Variants in HNRNPK observed in about 807,000 individuals in gnomAD.
HNRNPK encodes heterogeneous nuclear ribonucleoprotein K.
Under a neutral mutation model 67.0 loss-of-function variants are expected in HNRNPK, and 7 were observed. The ratio of observed to expected loss-of-function variants is 0.10; its 90% CI spans 0.06 to 0.20. The LOEUF (loss-of-function observed/expected upper bound fraction) is 0.20, where lower values mean the gene tolerates loss of function less well. Among genes scored for constraint, HNRNPK ranks in the 10% least tolerant of loss-of-function variants. The probability of loss-of-function intolerance (pLI) is 1.00; values close to 1 mark genes in which losing one functional copy is unlikely to be tolerated. For synonymous variants in HNRNPK, 213 were observed against 193.7 expected (o/e 1.10, Z -0.83); for missense variants, 264 against 606.5 (o/e 0.44, Z 5.93).
In HNRNPK at chr9:83,971,029, ACT is replaced by A. The variant is rs1225742436; in HGVS notation, c.1093-119_1093-118del. On this transcript the variant is annotated intron_variant, in intron 13 of 16. Coordinates refer to ENST00000376263, the MANE Select transcript of HNRNPK (RefSeq NM_031263.4). The stretch of plus-strand genomic sequence containing the variant: ...GCTATGTTGCCCAGGCTGGTCTCAA[ACT>A]CTCGGGCTCAAGTGATCCTCCTGCC... 5 of 1,042,332 alleles carry A rather than the reference ACT, an allele frequency of 4.8e-6. No individual in the cohort carries two copies. In the Admixed American group the frequency reaches 7.9e-5, roughly 16 times the overall value. The allele number at this position is 1,042,332 out of a possible 1,614,324, so 64.6% of individuals were successfully genotyped here.
In HNRNPK at chr9:83,968,464, A is replaced by G. The variant is rs1956678054; in HGVS notation, c.*943T>C. The G allele has an allele frequency of 6.6e-6, 1 of 152,592 alleles. No individual in the cohort carries two copies. The highest frequency in any genetic ancestry group is 2.1e-4 in the South Asian group (1 of 4,830). The allele number at this position is 152,592 out of a possible 1,614,324, so 9.5% of individuals were successfully genotyped here. A position where few individuals can be genotyped will look rare whatever the true frequency, so the allele number is the denominator to read the frequency against. ...CTATAGGTGAGAAATTATCTAATAAAAATAATCAATTTTTTCAGCATTAGT... is the reference window on the plus strand; with the variant it reads ...CTATAGGTGAGAAATTATCTAATAAGAATAATCAATTTTTTCAGCATTAGT... On this transcript the variant is annotated 3_prime_UTR_variant, in exon 17 of 17. Transcript: ENST00000376263.
chr9:83,977,231 G>C (rs1008867823), intron 4 of HNRNPK, among the ~76,000 whole-genome samples, 180 bp from the exon 5 acceptor site: 12 of 152,140 alleles, frequency 7.9e-5, no homozygotes, highest in African/African-American at 2.9e-4. Context: ...AATTCTAAGT[G>C]CTGTGAGGAC....
At chr9:83,977,193 G>A (rs1202694596) in intron 4 of HNRNPK, 142 bp from the exon 5 acceptor site, 8 of 627,870 alleles carry the variant, frequency 1.3e-5, no homozygotes, top group Non-Finnish European at 2.3e-5. Context: ...AAACGACCAG[G>A]CCAAAACCAA....
chr9:83,969,694 A>G, intron 16 of HNRNPK: 3 of 610,020 alleles, frequency 4.9e-6, no homozygotes, highest in Non-Finnish European at 9.1e-6. Context: ...TAGAAAAGAC[A>G]AAGAATGCTA....
Position 83,980,206 on chromosome 9 carries a change from G to C in HNRNPK, c.-161C>G, listed in dbSNP as rs979625568. On this transcript the variant is annotated 5_prime_UTR_variant, in exon 1 of 17. Transcript: ENST00000376263. The stretch of plus-strand genomic sequence containing the variant: ...GCGCCGCCTCAGCCGGTCGGAGCTA[G>C]ACAGAAAACGAGCGCAGGCTCCCCT... The C allele has an allele frequency of 6.6e-6, 1 of 152,416 alleles. No homozygotes were observed. Among genetic ancestry groups the C allele is most frequent in the Non-Finnish European group, 1.5e-5 (1 of 68,234 alleles). The allele number at this position is 152,416 out of a possible 1,614,324, so 9.4% of individuals were successfully genotyped here. A position where few individuals can be genotyped will look rare whatever the true frequency, so the allele number is the denominator to read the frequency against.
upstream of HNRNPK, chr9:83,980,506 T>C (rs535077158): frequency 6.5e-6 from 1 of 152,976 alleles, no homozygotes; most frequent in East Asian, 1.9e-4. Context: ...CAATTACCTA[T>C]AGGCCGCGAA....
chr9:83,971,198 T>C, intron 13 of HNRNPK, 75 bp downstream of exon 13: 1 of 1,043,440 alleles, frequency 9.6e-7, no homozygotes, highest in Non-Finnish European at 1.5e-6. Flanking sequence ...CTCAGGGGAA[T>C]AAAAAACTTA....
Position 83,969,075 on chromosome 9 carries a change from A to AT in HNRNPK, c.*331dup. 1 of 473,040 alleles carries AT rather than the reference A, an allele frequency of 2.1e-6. No individual in the cohort carries two copies. Among genetic ancestry groups the AT allele is most frequent in the South Asian group, 2.9e-5 (1 of 34,680 alleles). The allele number at this position is 473,040 out of a possible 1,614,324, so 29.3% of individuals were successfully genotyped here. A position where few individuals can be genotyped will look rare whatever the true frequency, so the allele number is the denominator to read the frequency against. ...GTGACCACAAAGCAAGGTGTTCACAATAATTACATGGGGGGAATTTTTTAA... is the reference window on the plus strand; with the variant it reads ...GTGACCACAAAGCAAGGTGTTCACAATTAATTACATGGGGGGAATTTTTTAA... On this transcript the variant is annotated 3_prime_UTR_variant, in exon 17 of 17. Transcript: ENST00000376263.
chr9:83,971,011 T>C, intron 13 of HNRNPK, 99 bp from the exon 14 acceptor site: 1 of 1,232,474 alleles, frequency 8.1e-7, no homozygotes, highest in Admixed American at 1.8e-5. Flanking sequence ...CTTGCTATGT[T>C]GCCCAGGCTG....
At position 83,969,084 on chromosome 9, in the gene HNRNPK, T is replaced by C. The variant is rs1016375752; in HGVS notation, c.*323A>G. 3 of 492,274 alleles carry C rather than the reference T, an allele frequency of 6.1e-6. No individual in the cohort carries two copies. Among genetic ancestry groups the C allele is most frequent in the Non-Finnish European group, 1.1e-5 (3 of 277,624 alleles). 30.5% of individuals were successfully genotyped at this position (492,274 alleles called of 1,614,324 possible). ...AAGCAAGGTGTTCACAATAATTACATGGGGGGAATTTTTTAAACCACCAAC... is the reference window on the plus strand; with the variant it reads ...AAGCAAGGTGTTCACAATAATTACACGGGGGGAATTTTTTAAACCACCAAC... On this transcript the variant is annotated 3_prime_UTR_variant, in exon 17 of 17. Transcript: ENST00000376263.
chr9:83,977,488 G>A (rs1957123775), intron 4 of HNRNPK, among the ~76,000 whole-genome samples: 2 of 152,156 alleles, frequency 1.3e-5, no homozygotes, highest in Admixed American at 1.3e-4. Flanking sequence ...GACCTGTAGT[G>A]GCGGTTCACT....
At position 83,973,265 on chromosome 9, in the gene HNRNPK, GC is replaced by G. The variant is rs765556393; in HGVS notation, c.516+20del. The G allele has an allele frequency of 2.9e-4, 375 of 1,307,424 alleles. 2 individuals are homozygous for G. The highest frequency in any genetic ancestry group is 3.8e-4 in the Non-Finnish European group (342 of 905,516). 81.0% of individuals were successfully genotyped at this position (1,307,424 alleles called of 1,614,324 possible). Reference sequence around the variant, plus strand: ...AATTTACTTTCCAGCAAAGAATACGGCAGAATTTTTTTTTTTTTACCTCTCG... The same window carrying G: ...AATTTACTTTCCAGCAAAGAATACGGAGAATTTTTTTTTTTTTACCTCTCG... On this transcript the variant is annotated intron_variant, in intron 9 of 16. Coordinates refer to ENST00000376263, the MANE Select transcript of HNRNPK (RefSeq NM_031263.4).
intron 9 of HNRNPK, 108 bp downstream of exon 9, chr9:83,973,174 TAAGC>T: frequency 2.5e-6 from 2 of 792,770 alleles, no homozygotes; most frequent in Non-Finnish European, 2.1e-6. Context: ...TCATTTGCGA[TAAGC>T]AATCTTTGGA....
In HNRNPK at chr9:83,971,871, A is replaced by C. The variant is rs777367009; in HGVS notation, c.953+11T>G. 5 of 1,555,020 alleles carry C rather than the reference A, an allele frequency of 3.2e-6. No homozygotes were observed. Among genetic ancestry groups the C allele is most frequent in the Admixed American group, 4.1e-5 (2 of 48,882 alleles). ...GAAGAAAAAACAACAACAACAAAAA[A>C]AACAACTTACCCCCCTCTAGGTGGT... is the stretch of plus-strand genomic sequence containing the variant. On this transcript the variant is annotated intron_variant, in intron 11 of 16. Coordinates refer to ENST00000376263, the MANE Select transcript of HNRNPK (RefSeq NM_031263.4).
At chr9:83,969,996 TAAGA>T in intron 16 of HNRNPK, 162 bp downstream of exon 16, 2 of 621,730 alleles carry the variant, frequency 3.2e-6, no homozygotes, top group Non-Finnish European at 5.7e-6. Flanking sequence ...TCATTTTTAG[TAAGA>T]AAGCAGAAGA....
At chr9:83,972,325 A>AGCGT (rs1956886103) in intron 10 of HNRNPK, 136 bp from the exon 11 acceptor site, 13 of 656,782 alleles carry the variant, frequency 2.0e-5, no homozygotes, top group Non-Finnish European at 3.1e-5. Context: ...AACAGGAATT[A>AGCGT]TGTCAACGCT....
At position 83,972,111 on chromosome 9, in the gene HNRNPK, T is replaced by A. The variant is rs1385067474; in HGVS notation, c.724A>T (p.Met242Leu). The change falls in exon 11 of 17, where the codon ATG becomes TTG. Residue 242 changes from methionine to leucine, a missense_variant. Transcript: ENST00000376263. Reference protein sequence around the residue: ...ETYDYGGFTMMFDDRRGRPVG... With the variant: ...ETYDYGGFTMLFDDRRGRPVG... ...GGGCGTCCGCGACGGTCATCAAACA[T>A]CATTGTAAAACCACCATAATCATAG... 1 of 1,613,726 alleles carries A rather than the reference T, an allele frequency of 6.2e-7. No homozygotes were observed. The highest frequency in any genetic ancestry group is 1.7e-5 in the Admixed American group (1 of 59,980).
upstream of HNRNPK, chr9:83,980,401 G>A (rs1329383507): frequency 3.7e-4 from 57 of 152,808 alleles, no homozygotes; most frequent in South Asian, 2.1e-4. Flanking sequence ...GGCCACTAAG[G>A]GCTCGAGAAA....
chr9:83,974,676 TCACAGAGATGTAA>T (rs1956997829), intron 6 of HNRNPK, 87 bp from the exon 7 acceptor site: 1 of 824,160 alleles, frequency 1.2e-6, no homozygotes. Context: ...ATACAAACTT[TCACAGAGATGTAA>T]CACATGATTA....
Sources: gnomAD v4.1 joint callset for allele counts (sites outside exome capture counted in the v4.1 genomes callset) on GRCh38, gnomAD v4.1.1 for gene constraint, MANE v1.5 for transcripts, NCBI Gene and HGNC (gene_info 2026-07-23, HGNC 2026-07-21) for gene names.